MYT1L: variants seen among roughly 807,000 people sequenced by gnomAD.
MYT1L encodes myelin transcription factor 1 like, also known as myelin transcription factor 1-like protein.
Under a neutral mutation model 126.7 loss-of-function variants are expected in MYT1L, and 12 were observed. The ratio of observed to expected loss-of-function variants is 0.09; its 90% confidence interval spans 0.06 to 0.15. The LOEUF is 0.15. MYT1L is among the 10% of genes least tolerant of loss of function. The probability of loss-of-function intolerance (pLI) is 1.00; values close to 1 mark genes in which losing one functional copy is unlikely to be tolerated. For missense variants in MYT1L, 979 were observed against 1,585.2 expected, an observed-to-expected ratio of 0.62 and a Z score of 6.49; for synonymous variants, 541 against 604.2, an observed-to-expected ratio of 0.90 and a Z score of 1.53.
intron 1 of MYT1L, among the ~76,000 whole-genome samples, chr2:2,316,232 T>C (rs973438761): frequency 6.6e-6 from 1 of 152,170 alleles, no homozygotes; most frequent in Non-Finnish European, 1.5e-5. Flanking sequence ...CTGGGATATT[T>C]TGGGGACAAT....
chr2:2,226,210 G>A (rs2094004786), intron 2 of MYT1L, among the ~76,000 whole-genome samples: 1 of 152,196 alleles, frequency 6.6e-6, no homozygotes, highest in Non-Finnish European at 1.5e-5. Flanking sequence ...AGTCCTAGTT[G>A]TGCGGCCTGC....
rs1391789778 is a variant in MYT1L, at chr2:2,115,230, T to A, written c.-304+57642A>T. Among the ~76,000 whole-genome samples, 3 of 152,264 alleles carry A rather than the reference T, an allele frequency of 2.0e-5. No individual in the cohort carries two copies. The East Asian group carries it at 5.8e-4, about 29-fold the overall frequency. ...TAAAATACAGTAAAGTGTGTTCATT[T>A]CGAATGCTATCATGTGAGTGCCTCT... On this transcript the variant is annotated intron_variant, in intron 3 of 24. Coordinates refer to ENST00000647738, the MANE Select transcript of MYT1L (RefSeq NM_001303052.2).
chr2:1,977,443 C>T (rs2060269382), intron 8 of MYT1L, among the ~76,000 whole-genome samples: 1 of 152,188 alleles, frequency 6.6e-6, no homozygotes, highest in South Asian at 2.1e-4. Context: ...CACGATTTTT[C>T]CTGCAAAACT....
At chr2:2,137,127 T>C (rs1236350199) in intron 3 of MYT1L, among the ~76,000 whole-genome samples, 2 of 152,130 alleles carry the variant, frequency 1.3e-5, no homozygotes, top group African/African-American at 4.8e-5. Flanking sequence ...GAATCCACCT[T>C]ACAAGGGACG....
intron 3 of MYT1L, among the ~76,000 whole-genome samples, chr2:2,147,977 C>T (rs966406006): frequency 3.9e-5 from 6 of 152,220 alleles, no homozygotes; most frequent in Non-Finnish European, 8.8e-5. Flanking sequence ...GCATCTGAAT[C>T]TGTAGTTCTA....
At position 1,910,188 on chromosome 2, in the gene MYT1L, T is replaced by C; in HGVS notation, c.1817+52A>G. 1.3e-6 allele frequency: 2 copies of C among 1,519,458 alleles called. No homozygotes were observed. Among genetic ancestry groups the C allele is most frequent in the Non-Finnish European group, 1.8e-6 (2 of 1,101,034 alleles). The allele number at this position is 1,519,458 out of a possible 1,614,324, so 94.1% of individuals were successfully genotyped here. A position where few individuals can be genotyped will look rare whatever the true frequency, so the allele number is the denominator to read the frequency against. On this transcript the variant is annotated intron_variant, in intron 13 of 24. Transcript: ENST00000647738. This position sits in a 1 kb window ranked among gnomAD's most constrained non-coding sequence, Gnocchi z 4.8. ...AGCGGGTGTCCCCAGCGCTCCGAGGTGTGGGGCAGACTATGGATAGAGCTC... is the reference window on the plus strand; with the variant it reads ...AGCGGGTGTCCCCAGCGCTCCGAGGCGTGGGGCAGACTATGGATAGAGCTC...
intron 2 of MYT1L, among the ~76,000 whole-genome samples, chr2:2,248,754 A>C (rs765676250): frequency 3.5e-4 from 53 of 152,172 alleles, no homozygotes; most frequent in Non-Finnish European, 7.5e-4. Context: ...CAATATCCAT[A>C]GAATGAAGGA....
chr2:2,016,545 T>C (rs1347630558), intron 4 of MYT1L, among the ~76,000 whole-genome samples: 2 of 152,166 alleles, frequency 1.3e-5, no homozygotes, highest in Non-Finnish European at 2.9e-5. Flanking sequence ...TCTGTAGAAA[T>C]AACCAGGAAT....
At chr2:2,195,243 A>G (rs2092749891) in intron 2 of MYT1L, among the ~76,000 whole-genome samples, 1 of 152,226 alleles carries the variant, frequency 6.6e-6, no homozygotes, top group African/African-American at 2.4e-5. Context: ...AAATTGCATC[A>G]TGCGGGGCAT....
chr2:2,329,094 A>G lies in MYT1L; in HGVS notation c.-521+1873T>C, dbSNP rs1448417922. On this transcript the variant is annotated intron_variant, in intron 1 of 24. Transcript: ENST00000647738. ...AGGGAAGGCAGAGAAGCCTGCTCAC[A>G]ATAGCTCACTCCACCAGCCTTTGAA... Among the ~76,000 whole-genome samples, 4 of 152,348 alleles carry G rather than the reference A, an allele frequency of 2.6e-5. No homozygotes were observed. The South Asian group carries it at 6.2e-4, about 24-fold the overall frequency.
rs559924538 is a variant in MYT1L, at chr2:1,852,034, C to G, written c.2712-331G>C. On this transcript the variant is annotated intron_variant, in intron 18 of 24. Coordinates refer to ENST00000647738, the MANE Select transcript of MYT1L (RefSeq NM_001303052.2). The surrounding 1 kb of genome is among the most constrained non-coding windows in gnomAD (Gnocchi z 4.0). ...CCCTCATTCTTAAAGCTCAGCAGAG[C>G]CAGCAACCACAGGGCTTGTTACTGC... 6.6e-6 allele frequency among the ~76,000 whole-genome samples: 1 copy of G among 152,258 alleles called. No homozygotes were observed. Among genetic ancestry groups the G allele is most frequent in the East Asian group, 1.9e-4 (1 of 5,164 alleles).
At chr2:2,180,200 G>A (rs933835247) in intron 2 of MYT1L, among the ~76,000 whole-genome samples, 3 of 152,080 alleles carry the variant, frequency 2.0e-5, no homozygotes, top group East Asian at 3.9e-4. Context: ...TGATAATAGA[G>A]TTCACTTCAC....
rs968955579 is a variant in MYT1L at position 1,943,039 on chromosome 2, C to A, written c.448G>T (p.Glu150Ter). The change falls in exon 9 of 25, where the codon GAG becomes TAG. Residue 150 changes from glutamate to a stop codon, truncating the protein, a stop_gained. Transcript: ENST00000647738. LOFTEE classifies it high-confidence loss of function. The surrounding 1 kb of genome is among the most constrained non-coding windows in gnomAD (Gnocchi z 4.4). ...EDDDEDGEDVEDEEEEEEEEE... is the reference protein window; with the variant it reads ...EDDDEDGEDV ...TCCTCCTCTTCCTCTTCTTCATCCT[C>A]CACATCTTCTCCATCCTCGTCATCG... 6.7e-7 allele frequency: 1 copy of A among 1,500,730 alleles called. No individual in the cohort carries two copies. 93.0% of individuals were successfully genotyped at this position (1,500,730 alleles called of 1,614,324 possible).
intron 3 of MYT1L, among the ~76,000 whole-genome samples, chr2:2,158,703 TAC>T (rs34075925): frequency 0.12 from 17,504 of 143,436 alleles, 1,122 homozygotes; most frequent in African/African-American, 0.19. Flanking sequence ...AACATTCAAG[TAC>T]ACACACACAC....
intron 18 of MYT1L, among the ~76,000 whole-genome samples, chr2:1,881,095 A>G (rs1009666401): frequency 3.9e-5 from 6 of 152,110 alleles, no homozygotes; most frequent in African/African-American, 1.4e-4. Flanking sequence ...CCCAAACCCC[A>G]ATGCCTGGGT....
At chr2:2,277,246 AG>A (rs1223059268) in intron 2 of MYT1L, among the ~76,000 whole-genome samples, 3 of 152,200 alleles carry the variant, frequency 2.0e-5, no homozygotes, top group African/African-American at 7.2e-5. Flanking sequence ...CTGGGATTAC[AG>A]GCGTGAGCCA....
At position 2,157,003 on chromosome 2, in the gene MYT1L, G is replaced by A. The variant is rs78131113; in HGVS notation, c.-304+15869C>T. Among the ~76,000 whole-genome samples, 16 of 152,272 alleles carry A rather than the reference G, an allele frequency of 1.1e-4. No homozygotes were observed. In the East Asian group the frequency reaches 1.7e-3, roughly 17 times the overall value. The stretch of plus-strand genomic sequence containing the variant: ...AAATCTCAAGATTTCATTCAAGCCC[G>A]TTTAGGCACAACAGAGTTTTGACCA... On this transcript the variant is annotated intron_variant, in intron 3 of 24. Transcript: ENST00000647738.
In MYT1L at chr2:1,801,863, G is replaced by C; in HGVS notation, c.3173-64C>G. 1 of 1,040,464 alleles carries C rather than the reference G, an allele frequency of 9.6e-7. No individual in the cohort carries two copies. 64.5% of individuals were successfully genotyped at this position (1,040,464 alleles called of 1,614,324 possible). A position where few individuals can be genotyped will look rare whatever the true frequency, so the allele number is the denominator to read the frequency against. On this transcript the variant is annotated intron_variant, in intron 22 of 24. Transcript: ENST00000647738. This position sits in a 1 kb window ranked among gnomAD's most constrained non-coding sequence, Gnocchi z 4.2. ...ACAAAAATATTAGAGTTAGAATTTT[G>C]GGAGCTTTCTTTGTTCCTTTTATAT...
chr2:1,862,719 A>G (rs11677473), intron 18 of MYT1L, among the ~76,000 whole-genome samples: 65,004 of 152,034 alleles, frequency 0.43, 16,327 homozygotes, highest in African/African-American at 0.69. Context: ...AGAGGGCCAA[A>G]GAGGGCAGAG....
Sources: allele counts gnomAD v4.1 joint callset (sites outside exome capture counted in the v4.1 genomes callset), GRCh38; gene constraint gnomAD v4.1.1; non-coding constraint Gnocchi (gnomAD v3.1); transcripts MANE v1.5; gene names NCBI Gene and HGNC (gene_info 2026-07-23, HGNC 2026-07-21).